SH3TC2: variants seen among roughly 807,000 people sequenced by gnomAD.
SH3TC2 encodes the protein SH3 domain and tetratricopeptide repeat-containing protein 2.
Under a neutral mutation model 124.5 loss-of-function variants are expected in SH3TC2, and 87 were observed. The observed-to-expected ratio is 0.70, with a 90% confidence interval of 0.59 to 0.84. The LOEUF (loss-of-function observed/expected upper bound fraction) is 0.84. SH3TC2 is among the 40% of genes least tolerant of loss of function. SH3TC2 has a pLI of 0.00. For synonymous variants in SH3TC2, 634 were observed against 628.5 expected, an observed-to-expected ratio of 1.01 and a Z score of -0.13; for missense variants, 1,536 against 1,566.4, an observed-to-expected ratio of 0.98 and a Z score of 0.33.
rs1387249393 is a variant in SH3TC2 at position 148,985,721 on chromosome 5, C to A, written c.*18990G>T. On this transcript the variant is annotated 3_prime_UTR_variant, in exon 17 of 17. Transcript: ENST00000515425. ...GTTTTCATTTCTTTGATATAAATAC[C>A]TAGGAGTAGCAATTCTGGATCACTT... Among the ~76,000 whole-genome samples the A allele has an allele frequency of 6.6e-6, 1 of 152,082 alleles. No homozygotes were observed. Among genetic ancestry groups the A allele is most frequent in the East Asian group, 1.9e-4 (1 of 5,192 alleles).
chr5:148,992,877 G>T lies in SH3TC2; in HGVS notation c.*11834C>A, dbSNP rs1479787340. ...TAACATGCACAGCTCATAGGGTTTG[G>T]GTATGGCTTGGAAAATCATCATGCT... is the stretch of plus-strand genomic sequence containing the variant. On this transcript the variant is annotated 3_prime_UTR_variant, in exon 17 of 17. Coordinates refer to ENST00000515425, the MANE Select transcript of SH3TC2 (RefSeq NM_024577.4). 6.6e-6 allele frequency among the ~76,000 whole-genome samples: 1 copy of T among 152,040 alleles called. No individual in the cohort carries two copies. The highest frequency in any genetic ancestry group is 2.4e-5 in the African/African-American group (1 of 41,384).
Position 149,052,178 on chromosome 5 carries a change from T to C in SH3TC2, c.115A>G (p.Lys39Glu), listed in dbSNP as rs1183623139. The C allele has an allele frequency of 3.1e-6, 5 of 1,613,740 alleles. No individual in the cohort carries two copies. Among genetic ancestry groups the C allele is most frequent in the African/African-American group, 2.7e-5 (2 of 75,032 alleles). ...TTCTGTGGCAGAAAACATTTTTCCT[T>C]GTATTCAGATGAGGCTATACACTCA... ...SSECIASSEYKEKCFLPQNIN... is the reference protein window; with the variant it reads ...SSECIASSEYEEKCFLPQNIN... The change falls in exon 2 of 17, where the codon AAG becomes GAG. Residue 39 changes from lysine to glutamate, a missense_variant. Physicochemically the swap from Lys to Glu is moderately conservative, Grantham distance 56. Around this residue, in one of 3 missense-constraint regions of SH3TC2, gnomAD observed 1,102 missense variants for 1,098.6 expected, o/e 1.00. Coordinates refer to ENST00000515425, the MANE Select transcript of SH3TC2 (RefSeq NM_024577.4).
chr5:148,987,233 C>G lies in SH3TC2; in HGVS notation c.*17478G>C, dbSNP rs984566082. ...GAAAAAGCACATTTTTGCCAATGGT[C>G]TTTGTTCTGAACAAAGATTGGTTCT... On this transcript the variant is annotated 3_prime_UTR_variant, in exon 17 of 17. Transcript: ENST00000515425. 2.0e-5 allele frequency among the ~76,000 whole-genome samples: 3 copies of G among 152,188 alleles called. No homozygotes were observed. Among genetic ancestry groups the G allele is most frequent in the Non-Finnish European group, 4.4e-5 (3 of 68,022 alleles).
At chr5:149,054,156 A>T (rs747365822) in intron 1 of SH3TC2, among the ~76,000 whole-genome samples, 3 of 152,356 alleles carry the variant, frequency 2.0e-5, no homozygotes, top group Non-Finnish European at 4.4e-5. Flanking sequence ...CATGTATTCC[A>T]TAAATATATA....
At chr5:149,051,625 G>T (rs943243693) in intron 2 of SH3TC2, among the ~76,000 whole-genome samples, 2 of 151,900 alleles carry the variant, frequency 1.3e-5, no homozygotes, top group African/African-American at 4.8e-5. Context: ...CTAATTTTTT[G>T]ATTTTTTGTT....
chr5:149,040,740 C>G, intron 6 of SH3TC2, 63 bp from the exon 7 acceptor site: 1 of 1,297,542 alleles, frequency 7.7e-7, no homozygotes, highest in Non-Finnish European at 1.1e-6. Flanking sequence ...ATGAACAGAA[C>G]AGTCTATCAG....
intron 6 of SH3TC2, among the ~76,000 whole-genome samples, chr5:149,041,088 CT>C (rs956313798): frequency 6.6e-6 from 1 of 152,104 alleles, no homozygotes; most frequent in African/African-American, 2.4e-5. Context: ...ATGAAGATTC[CT>C]AGACTCAACC....
intron 1 of SH3TC2, chr5:149,062,548 G>A: frequency 2.3e-6 from 1 of 434,472 alleles, no homozygotes; most frequent in South Asian, 1.7e-5. Context: ...TTTTTCTCCA[G>A]TAACAGCAAC....
At chr5:149,023,875 C>G (rs1029162489) in intron 12 of SH3TC2, among the ~76,000 whole-genome samples, 3 of 152,142 alleles carry the variant, frequency 2.0e-5, no homozygotes, top group Non-Finnish European at 2.9e-5. Context: ...TAATCTTAAG[C>G]AACTACATAA....
In SH3TC2 at chr5:149,027,566, A is replaced by G; in HGVS notation, c.2166T>C (p.Leu722=). ...HLVLQNTTKL[L]GFPSPGWGEV... is the part of the protein sequence containing the mutation. ...CACCCCAGCCTGGGGAAGGAAAGCC[A>G]AGGAGCTTGGTTGTGTTCTGGAGGA... The change falls in exon 11 of 17, where the codon CTT becomes CTC. Residue 722 remains leucine, a synonymous_variant. Transcript: ENST00000515425. 1.9e-6 allele frequency: 3 copies of G among 1,614,242 alleles called. No individual in the cohort carries two copies. The highest frequency in any genetic ancestry group is 2.5e-6 in the Non-Finnish European group (3 of 1,180,042).
Position 148,991,950 on chromosome 5 carries a change from A to C in SH3TC2, c.*12761T>G, listed in dbSNP as rs1275738547. Among the ~76,000 whole-genome samples the C allele has an allele frequency of 3.3e-5, 5 of 152,198 alleles. No homozygotes were observed. The highest frequency in any genetic ancestry group is 1.5e-5 in the Non-Finnish European group (1 of 68,042). Reference sequence around the variant, plus strand: ...GTGTCTAAGGGGAGTGTCAGAGAGCAACCCTAACATGTGTTGGGTGACCAT... The same window carrying C: ...GTGTCTAAGGGGAGTGTCAGAGAGCCACCCTAACATGTGTTGGGTGACCAT... On this transcript the variant is annotated 3_prime_UTR_variant, in exon 17 of 17. Coordinates refer to ENST00000515425, the MANE Select transcript of SH3TC2 (RefSeq NM_024577.4).
Position 148,996,989 on chromosome 5 carries a change from T to TA in SH3TC2, c.*7721dup, listed in dbSNP as rs1183960598. 6.6e-6 allele frequency among the ~76,000 whole-genome samples: 1 copy of TA among 152,014 alleles called. No homozygotes were observed. Among genetic ancestry groups the TA allele is most frequent in the Non-Finnish European group, 1.5e-5 (1 of 67,986 alleles). On this transcript the variant is annotated 3_prime_UTR_variant, in exon 17 of 17. Transcript: ENST00000515425. ...TAAGCATTCCTGAATACTAAGTGAG[T>TA]AAAAAAAGTGCTACTACCAACATTT...
chr5:149,060,603 G>T (rs1482094424), intron 1 of SH3TC2, among the ~76,000 whole-genome samples: 2 of 152,164 alleles, frequency 1.3e-5, no homozygotes, highest in African/African-American at 2.4e-5. Context: ...TTTGGTGTCT[G>T]CTGTTAACTC....
chr5:149,010,533 C>T lies in SH3TC2; in HGVS notation c.3205-141G>A, dbSNP rs1580890084. On this transcript the variant is annotated intron_variant, in intron 13 of 16. Coordinates refer to ENST00000515425, the MANE Select transcript of SH3TC2 (RefSeq NM_024577.4). ...CCAAATCCTAAATGTCTTCACACTC[C>T]TAGGGCTGGTAAGAGGACTTTAGAC... 9 of 1,124,286 alleles carry T rather than the reference C, an allele frequency of 8.0e-6. No individual in the cohort carries two copies. The South Asian group carries it at 1.0e-4, about 13-fold the overall frequency. The allele number at this position is 1,124,286 out of a possible 1,614,324, so 69.6% of individuals were successfully genotyped here. A position where few individuals can be genotyped will look rare whatever the true frequency, so the allele number is the denominator to read the frequency against.
At chr5:149,035,331 AG>A (rs1336934420) in intron 8 of SH3TC2, 1 of 152,140 alleles carries the variant, frequency 6.6e-6, no homozygotes, top group African/African-American at 2.4e-5. Context: ...TTTTTAATTT[AG>A]GCACTTAAGT....
chr5:149,022,736 A>T (rs1217913687), intron 12 of SH3TC2, among the ~76,000 whole-genome samples: 1 of 152,236 alleles, frequency 6.6e-6, no homozygotes, highest in Non-Finnish European at 1.5e-5. Context: ...GATACATGTG[A>T]CAACATGGAT....
chr5:149,048,004 A>C lies in SH3TC2; in HGVS notation c.152-15T>G, dbSNP rs752373325. The C allele has an allele frequency of 1.2e-6, 2 of 1,613,938 alleles. No individual in the cohort carries two copies. The highest frequency in any genetic ancestry group is 1.7e-6 in the Non-Finnish European group (2 of 1,179,884). The stretch of plus-strand genomic sequence containing the variant: ...GAGTGTCAGGTCTTAAAGAGAACAG[A>C]GAGAGAAGGATCAGGCTGAAAATAG... On this transcript the variant is annotated splice_polypyrimidine_tract_variant and intron_variant, in intron 2 of 16. Transcript: ENST00000515425.
At chr5:149,055,150 C>T (rs1754623804) in intron 1 of SH3TC2, among the ~76,000 whole-genome samples, 1 of 151,918 alleles carries the variant, frequency 6.6e-6, no homozygotes, top group African/African-American at 2.4e-5. Flanking sequence ...AAGTGCTACC[C>T]TCAAAAGGAA....
chr5:149,038,594 G>T, intron 7 of SH3TC2, 104 bp from the exon 8 acceptor site: 1 of 1,228,008 alleles, frequency 8.1e-7, no homozygotes, highest in Non-Finnish European at 1.2e-6. Flanking sequence ...ACTTTAGAAT[G>T]TCAAGGACCA....
Sources: allele counts gnomAD v4.1 joint callset (sites outside exome capture counted in the v4.1 genomes callset), GRCh38; gene constraint gnomAD v4.1.1; regional missense constraint gnomAD v4.1.1; transcripts MANE v1.5; gene names NCBI Gene and HGNC (gene_info 2026-07-23, HGNC 2026-07-21).